KCNIP4: variants seen among roughly 807,000 people sequenced by gnomAD.
KCNIP4 encodes potassium voltage-gated channel interacting protein 4.
KCNIP4 carries 12 observed loss-of-function variants against 34.0 expected under a neutral mutation model. The ratio of observed to expected loss-of-function variants is 0.35; its 90% CI spans 0.23 to 0.57. KCNIP4 has a LOEUF of 0.57. KCNIP4 is among the 20% of genes least tolerant of loss of function. KCNIP4 has a pLI of 0.83. For synonymous variants in KCNIP4, 124 were observed against 102.2 expected (o/e 1.21, Z -1.29); for missense variants, 238 against 311.7 (o/e 0.76, Z 1.78).
intron 1 of KCNIP4, among the ~76,000 whole-genome samples, chr4:21,539,547 T>C (rs566796305): frequency 6.6e-6 from 1 of 152,322 alleles, no homozygotes; most frequent in Admixed American, 6.5e-5. Flanking sequence ...TAATGCCCAA[T>C]GACTTTGTTT....
intron 1 of KCNIP4, among the ~76,000 whole-genome samples, chr4:21,918,994 A>G (rs1190069245): frequency 6.6e-6 from 1 of 152,188 alleles, no homozygotes; most frequent in East Asian, 1.9e-4. Context: ...ATGGAGAAAT[A>G]TAAACAAAGA....
intron 1 of KCNIP4, among the ~76,000 whole-genome samples, chr4:20,922,470 C>T (rs1415515513): frequency 1.3e-5 from 2 of 152,128 alleles, no homozygotes; most frequent in African/African-American, 4.8e-5. Context: ...GGTTTGCCAG[C>T]TTGCAGATGG....
At chr4:21,767,574 A>G (rs1718504938) in intron 1 of KCNIP4, among the ~76,000 whole-genome samples, 1 of 152,116 alleles carries the variant, frequency 6.6e-6, no homozygotes, top group Non-Finnish European at 1.5e-5. Context: ...TTTGGGGTTA[A>G]TTAGCTTTTT....
chr4:21,589,203 T>A (rs1241125698), intron 1 of KCNIP4, among the ~76,000 whole-genome samples: 4 of 9,268 alleles, frequency 4.3e-4, no homozygotes, highest in Admixed American at 1.4e-3. Flanking sequence ...TATATATATG[T>A]GTACATATAT....
chr4:21,170,543 G>A (rs188252027), intron 1 of KCNIP4, among the ~76,000 whole-genome samples: 125 of 152,202 alleles, frequency 8.2e-4, no homozygotes, highest in African/African-American at 2.9e-3. Flanking sequence ...GTAAGAGGAA[G>A]AGAAGGAAAG....
At chr4:21,433,991 A>G (rs1252145707) in intron 1 of KCNIP4, among the ~76,000 whole-genome samples, 1 of 152,182 alleles carries the variant, frequency 6.6e-6, no homozygotes, top group Non-Finnish European at 1.5e-5. Context: ...GGCTGATTTT[A>G]TAATCGGTAT....
rs528638817 is a variant in KCNIP4, at chr4:21,921,668, T to C, written c.61+26903A>G. Among the ~76,000 whole-genome samples, 4 of 152,204 alleles carry C rather than the reference T, an allele frequency of 2.6e-5. No individual in the cohort carries two copies. In the South Asian group the frequency reaches 8.3e-4, roughly 32 times the overall value. ...CATCCTTCTTTCCTCTCAGTCCACATCTCTCAGTTCACAAGTCTGCTTACT... is the reference window on the plus strand; with the variant it reads ...CATCCTTCTTTCCTCTCAGTCCACACCTCTCAGTTCACAAGTCTGCTTACT... On this transcript the variant is annotated intron_variant, in intron 1 of 8. Coordinates refer to ENST00000382152, the MANE Select transcript of KCNIP4 (RefSeq NM_025221.6).
chr4:20,753,510 T>G (rs1157267457), intron 4 of KCNIP4, among the ~76,000 whole-genome samples: 2 of 152,200 alleles, frequency 1.3e-5, no homozygotes, highest in Non-Finnish European at 2.9e-5. Context: ...TCATAGTATT[T>G]GAACAAACAC....
chr4:21,223,110 A>C (rs1411617457), intron 1 of KCNIP4, among the ~76,000 whole-genome samples: 1 of 152,208 alleles, frequency 6.6e-6, no homozygotes, highest in Admixed American at 6.6e-5. Flanking sequence ...AGATGAGGAA[A>C]TCTTCTTAGG....
At chr4:21,554,458 G>A (rs1391300653) in intron 1 of KCNIP4, among the ~76,000 whole-genome samples, 1 of 152,120 alleles carries the variant, frequency 6.6e-6, no homozygotes. Flanking sequence ...CAGACGTGGA[G>A]CTAAAGATTT....
chr4:21,242,697 A>G (rs1759925940), intron 1 of KCNIP4, among the ~76,000 whole-genome samples: 1 of 152,102 alleles, frequency 6.6e-6, no homozygotes, highest in Non-Finnish European at 1.5e-5. Flanking sequence ...CTGACAATGG[A>G]CTAAGATTTA....
intron 1 of KCNIP4, among the ~76,000 whole-genome samples, chr4:20,922,543 G>GTCTA (rs772424861): frequency 1.3e-3 from 105 of 81,954 alleles, no homozygotes; most frequent in African/African-American, 2.7e-3. Flanking sequence ...CTGTCTGTCT[G>GTCTA]TCTGTCTATC....
At chr4:21,366,230 A>C (rs998722466) in intron 1 of KCNIP4, among the ~76,000 whole-genome samples, 27 of 152,186 alleles carry the variant, frequency 1.8e-4, no homozygotes, top group Non-Finnish European at 3.2e-4. Flanking sequence ...TATAGCTATT[A>C]CATGGTTGGT....
chr4:20,959,606 C>T (rs935419151), intron 1 of KCNIP4, among the ~76,000 whole-genome samples: 2 of 152,184 alleles, frequency 1.3e-5, no homozygotes, highest in African/African-American at 4.8e-5. Context: ...CTCACTCTCT[C>T]TCTGATGCAT....
At chr4:21,436,667 A>G (rs1018180661) in intron 1 of KCNIP4, among the ~76,000 whole-genome samples, 1 of 152,188 alleles carries the variant, frequency 6.6e-6, no homozygotes, top group South Asian at 2.1e-4. Flanking sequence ...TAAACTCTCT[A>G]TACCTCATGT....
At chr4:21,837,046 T>C (rs1212681335) in intron 1 of KCNIP4, among the ~76,000 whole-genome samples, 2 of 150,488 alleles carry the variant, frequency 1.3e-5, no homozygotes, top group Non-Finnish European at 3.0e-5. Context: ...GCCTCCCAAA[T>C]AGCTGGGACT....
At chr4:20,790,328 T>A (rs938057768) in intron 3 of KCNIP4, among the ~76,000 whole-genome samples, 1 of 152,166 alleles carries the variant, frequency 6.6e-6, no homozygotes, top group Non-Finnish European at 1.5e-5. Context: ...CCTAGGACAT[T>A]GCTGTACACT....
intron 1 of KCNIP4, among the ~76,000 whole-genome samples, chr4:21,405,276 C>A (rs1306464246): frequency 6.6e-6 from 1 of 152,170 alleles, no homozygotes; most frequent in Non-Finnish European, 1.5e-5. Flanking sequence ...TCTCTCTCCC[C>A]CACTGCAAAA....
intron 1 of KCNIP4, among the ~76,000 whole-genome samples, chr4:21,749,480 G>A (rs115276470): frequency 0.017 from 2,532 of 152,200 alleles, 59 homozygotes; most frequent in African/African-American, 0.057. Flanking sequence ...TCACTGCTTT[G>A]CCCTCTCCCC....
Sources: gnomAD v4.1 joint callset for allele counts (sites outside exome capture counted in the v4.1 genomes callset) on GRCh38, gnomAD v4.1.1 for gene constraint, MANE v1.5 for transcripts, NCBI Gene and HGNC (gene_info 2026-07-23, HGNC 2026-07-21) for gene names.